The following GPC5 variants were observed in gnomAD, a reference collection of about 807,000 sequenced individuals.
GPC5 encodes glypican 5, also known as glypican-5.
GPC5 carries 47 observed loss-of-function variants against 53.9 expected under a neutral mutation model. The ratio of observed to expected loss-of-function variants is 0.87; its 90% CI spans 0.69 to 1.11. The LOEUF (loss-of-function observed/expected upper bound fraction) is 1.11. GPC5 is among the 50% of genes most tolerant of loss of function. GPC5 has a pLI of 0.00. For missense variants in GPC5, 748 were observed against 713.1 expected, an observed-to-expected ratio of 1.05 and a Z score of -0.56; for synonymous variants, 286 against 263.3, an observed-to-expected ratio of 1.09 and a Z score of -0.84.
At chr13:92,658,924 G>GTTTTGT (rs1886230745) in intron 7 of GPC5, 1 of 85,594 alleles carries the variant, frequency 1.2e-5, no homozygotes, top group African/African-American at 4.1e-5. Flanking sequence ...TATATGTTTT[G>GTTTTGT]TTTTTTTTTT....
intron 1 of GPC5, among the ~76,000 whole-genome samples, chr13:91,418,739 A>C (rs9589222): frequency 6.6e-6 from 1 of 152,146 alleles, no homozygotes; most frequent in Non-Finnish European, 1.5e-5. Flanking sequence ...TTGCATTTTA[A>C]AAAAGACCTT....
chr13:92,479,427 G>A (rs367564485), intron 7 of GPC5, among the ~76,000 whole-genome samples: 31 of 152,306 alleles, frequency 2.0e-4, no homozygotes, highest in Middle Eastern at 6.8e-3. Context: ...TTCACTGCAT[G>A]TAGCTTAACA....
intron 5 of GPC5, among the ~76,000 whole-genome samples, chr13:91,817,526 A>T (rs2038419178): frequency 1.3e-5 from 2 of 152,210 alleles, no homozygotes; most frequent in Non-Finnish European, 2.9e-5. Flanking sequence ...TATACTTAAG[A>T]ATCCATGATA....
rs145336505 is a variant in GPC5 at position 91,693,709 on chromosome 13, C to T, written c.848C>T (p.Ala283Val). Reference protein sequence around the residue: ...YCLNVMRGCLAHMAELNPHWH... With the variant: ...YCLNVMRGCLVHMAELNPHWH... ...CTCAATGTCATGCGAGGCTGCCTGG[C>T]GCACATGGCGGAGCTTAATCCACAC... is the stretch of plus-strand genomic sequence containing the variant. Residue 283 changes from alanine to valine, a missense_variant, in exon 3 of 8, where the codon GCG (alanine) becomes GTG (valine). Ala to Val is a moderately conservative substitution (Grantham distance 64, BLOSUM62 0). Coordinates refer to ENST00000377067, the MANE Select transcript of GPC5 (RefSeq NM_004466.6). The T allele has an allele frequency of 4.2e-5, 67 of 1,614,038 alleles. 1 individual carries two copies. The Middle Eastern group carries it at 3.1e-3, about 75-fold the overall frequency.
At chr13:92,252,587 A>G (rs2042700031) in intron 7 of GPC5, among the ~76,000 whole-genome samples, 1 of 152,090 alleles carries the variant, frequency 6.6e-6, no homozygotes, top group Non-Finnish European at 1.5e-5. Context: ...GTATTTACAT[A>G]TCTAGGCTTA....
At chr13:91,998,988 C>A (rs1273385047) in intron 6 of GPC5, among the ~76,000 whole-genome samples, 5 of 152,090 alleles carry the variant, frequency 3.3e-5, no homozygotes, top group Non-Finnish European at 7.4e-5. Flanking sequence ...ACTAGCAGAA[C>A]TTCAATAAAA....
At chr13:91,721,081 CTTTCTTTCTTT>C (rs1386670672) in intron 3 of GPC5, among the ~76,000 whole-genome samples, 3 of 17,856 alleles carry the variant, frequency 1.7e-4, no homozygotes, top group Non-Finnish European at 3.0e-4. Flanking sequence ...TTCTTTCTTT[CTTTCTTTCTTT>C]CTTTCTTTCT....
At chr13:92,128,972 A>T (rs574772130) in intron 6 of GPC5, among the ~76,000 whole-genome samples, 1 of 152,330 alleles carries the variant, frequency 6.6e-6, no homozygotes, top group South Asian at 2.1e-4. Context: ...CAAAATAAAA[A>T]TAAAAGTAAA....
At chr13:91,934,479 C>T (rs550447124) in intron 6 of GPC5, among the ~76,000 whole-genome samples, 6 of 151,736 alleles carry the variant, frequency 4.0e-5, no homozygotes, top group African/African-American at 1.2e-4. Flanking sequence ...TTTCTGTGAC[C>T]GATGTTAGCT....
At chr13:92,826,269 G>A (rs910544984) in intron 7 of GPC5, among the ~76,000 whole-genome samples, 6 of 152,076 alleles carry the variant, frequency 3.9e-5, no homozygotes, top group African/African-American at 1.4e-4. Context: ...ACTTAATAGG[G>A]AGAATGCCCT....
In GPC5 at chr13:91,766,087, A is replaced by G. The variant is rs141908241; in HGVS notation, c.1280+9667A>G. ...CTAGATGCTAGGGACACAGTGATGG[A>G]CAAAATAGACATAAGTCCATCTCTC... On this transcript the variant is annotated intron_variant, in intron 5 of 7. Coordinates refer to ENST00000377067, the MANE Select transcript of GPC5 (RefSeq NM_004466.6). Among the ~76,000 whole-genome samples the G allele has an allele frequency of 3.9e-3, 596 of 152,374 alleles. 6 individuals are homozygous for G. The highest frequency in any genetic ancestry group is 0.014 in the African/African-American group (569 of 41,582).
intron 5 of GPC5, among the ~76,000 whole-genome samples, chr13:91,796,649 T>C (rs891931418): frequency 6.6e-6 from 1 of 152,158 alleles, no homozygotes. Flanking sequence ...ACAAGCCCCA[T>C]GTTTAAAGGT....
At chr13:92,244,523 G>A (rs560439869) in intron 7 of GPC5, among the ~76,000 whole-genome samples, 5 of 152,170 alleles carry the variant, frequency 3.3e-5, no homozygotes, top group South Asian at 4.1e-4. Context: ...GATTTATAAC[G>A]TTATGGTCCA....
At chr13:91,903,426 G>A (rs570471029) in intron 5 of GPC5, among the ~76,000 whole-genome samples, 1 of 152,172 alleles carries the variant, frequency 6.6e-6, no homozygotes, top group East Asian at 1.9e-4. Flanking sequence ...GTTAGATTTA[G>A]CATACGTGGG....
At chr13:92,425,717 G>A (rs1338145280) in intron 7 of GPC5, among the ~76,000 whole-genome samples, 1 of 151,956 alleles carries the variant, frequency 6.6e-6, no homozygotes, top group Non-Finnish European at 1.5e-5. Context: ...ACTTTAGACA[G>A]TGCCTCTTGG....
chr13:91,459,952 C>T (rs633008), intron 2 of GPC5, among the ~76,000 whole-genome samples: 140,730 of 152,198 alleles, frequency 0.92, 66,037 homozygotes, highest in East Asian at 1. Context: ...ATAAATCAAC[C>T]TGAGTTAAAT....
At chr13:92,017,643 G>A (rs2040718504) in intron 6 of GPC5, among the ~76,000 whole-genome samples, 1 of 152,128 alleles carries the variant, frequency 6.6e-6, no homozygotes, top group South Asian at 2.1e-4. Flanking sequence ...ATATGATTCA[G>A]TGGATGGCAT....
intron 2 of GPC5, among the ~76,000 whole-genome samples, chr13:91,474,235 T>TA (rs1354075889): frequency 4.6e-5 from 7 of 152,176 alleles, no homozygotes; most frequent in Non-Finnish European, 1.0e-4. Flanking sequence ...TGCTTAGTCA[T>TA]TATGTACATA....
chr13:92,614,922 A>G (rs1884631991), intron 7 of GPC5, among the ~76,000 whole-genome samples: 1 of 152,240 alleles, frequency 6.6e-6, no homozygotes, highest in Non-Finnish European at 1.5e-5. Context: ...ACTCTCCAGA[A>G]GGGAAACATA....
Sources: allele counts gnomAD v4.1 joint callset (sites outside exome capture counted in the v4.1 genomes callset), GRCh38; gene constraint gnomAD v4.1.1; transcripts MANE v1.5; gene names NCBI Gene and HGNC (gene_info 2026-07-23, HGNC 2026-07-21).